The following ITGA3 variants were observed in gnomAD, a reference collection of about 807,000 sequenced individuals.
ITGA3 encodes integrin subunit alpha 3, also known as integrin alpha-3.
Under a neutral mutation model 131.1 loss-of-function variants are expected in ITGA3, and 70 were observed. That is an observed-to-expected ratio of 0.53 (90% CI 0.44 to 0.65). The LOEUF (loss-of-function observed/expected upper bound fraction) is 0.65. Ranked by LOEUF, ITGA3 falls within the 30% of genes least tolerant of loss-of-function variation. ITGA3 has a pLI of 0.00. For synonymous variants in ITGA3, 537 were observed against 571.6 expected (o/e 0.94, Z 0.86); for missense variants, 1,098 against 1,388.6 (o/e 0.79, Z 3.33).
At position 50,070,849 on chromosome 17, in the gene ITGA3, A is replaced by G; in HGVS notation, c.670A>G (p.Ser224Gly). The change falls in exon 5 of 26, where the codon AGC becomes GGC. Residue 224 changes from serine to glycine, a missense_variant. Physicochemically the swap from Ser to Gly is moderately conservative, Grantham distance 56 (BLOSUM62 0). Transcript: ENST00000320031. ...APGAYNWKGN[S>G]YMIQRKEWDL... is the part of the protein sequence containing the mutation. ...CTCCCTCAATCCCTGTGAAGGAAAC[A>G]GCTACATGATTCAGCGCAAGGAGTG... The G allele has an allele frequency of 1.2e-6, 2 of 1,609,874 alleles. No individual in the cohort carries two copies. The highest frequency in any genetic ancestry group is 1.7e-6 in the Non-Finnish European group (2 of 1,176,346).
In ITGA3 at chr17:50,086,000, TACATATTATA is replaced by T. The variant is rs1357513310; in HGVS notation, c.2920-1743_2920-1734del. On this transcript the variant is annotated intron_variant, in intron 23 of 25. Transcript: ENST00000320031. ...TAGATTTATAATATATATTAGATTA[TACATATTATA>T]GATTTATAATATATATTAGATTATG... Among the ~76,000 whole-genome samples, 626 of 64,408 alleles carry T rather than the reference TACATATTATA, an allele frequency of 9.7e-3. 215 individuals are homozygous for T. Among genetic ancestry groups the T allele is most frequent in the East Asian group, 0.021 (44 of 2,110 alleles). 42.3% of individuals were successfully genotyped at this position (64,408 alleles called of 152,430 possible).
intron 21 of ITGA3, among the ~76,000 whole-genome samples, chr17:50,079,868 T>C (rs141090327): frequency 1.3e-3 from 200 of 152,032 alleles, no homozygotes; most frequent in Non-Finnish European, 2.3e-3. Context: ...GGCAGGGCAA[T>C]GGTGGGTGGT....
At position 50,072,073 on chromosome 17, in the gene ITGA3, G is replaced by A. The variant is rs201297040; in HGVS notation, c.1047G>A (p.Ala349=). 2.6e-4 allele frequency: 427 copies of A among 1,614,030 alleles called. 3 individuals are homozygous for A. The East Asian group carries it at 6.2e-3, about 23-fold the overall frequency. Residue 349 remains alanine (A), a synonymous_variant, in exon 7 of 26, where the codon GCG becomes GCA. Transcript: ENST00000320031. ...CCATCTATGTCTTCATGAACCAGGC[G>A]GGAACCTCCTTCCCTGCTCACCCCT... ...GGAIYVFMNQ[A]GTSFPAHPSL...
rs774000281 is a variant in ITGA3 at position 50,075,666 on chromosome 17, G to C, written c.1605G>C (p.Glu535Asp). ...CCCGGCTCCGCTTTGCCGGCAGTGA[G>C]TCCGCTGTCTTCCACGGCTTCTTCT... ...RPPRLRFAGS[E>D]SAVFHGFFSM... Residue 535 changes from glutamate (E) to aspartate (D), a missense_variant, in exon 12 of 26, where the codon GAG (glutamate) becomes GAC (aspartate). Coordinates refer to ENST00000320031, the MANE Select transcript of ITGA3 (RefSeq NM_002204.4). The C allele has an allele frequency of 5.6e-6, 9 of 1,614,108 alleles. 1 individual carries two copies. Among genetic ancestry groups the C allele is most frequent in the Middle Eastern group, 1.6e-4 (1 of 6,082 alleles).
chr17:50,073,717 T>C (rs1222718905), intron 7 of ITGA3, among the ~76,000 whole-genome samples, 199 bp from the exon 8 acceptor site: 1 of 152,162 alleles, frequency 6.6e-6, no homozygotes, highest in Non-Finnish European at 1.5e-5. Context: ...CCACCCGTGA[T>C]AGGAGGAAGC....
rs372201503 is a variant in ITGA3, at chr17:50,064,582, G to C, written c.389G>C (p.Ser130Thr). The change falls in exon 3 of 26, where the codon AGC becomes ACC. Residue 130 changes from serine (S) to threonine (T), a missense_variant. Around this residue, in one of 3 missense-constraint regions of ITGA3, gnomAD observed 356 missense variants for 529.2 expected, o/e 0.67. Transcript: ENST00000320031. The surrounding 1 kb of genome is among the most constrained non-coding windows in gnomAD (Gnocchi z 4.4). ...EDMWLGVTVASQGPAGRVLVC... is the reference protein window; with the variant it reads ...EDMWLGVTVATQGPAGRVLVC... ...ATGTGGCTTGGAGTGACTGTGGCCAGCCAGGGCCCTGCAGGCAGAGTTCTG... is the reference window on the plus strand; with the variant it reads ...ATGTGGCTTGGAGTGACTGTGGCCACCCAGGGCCCTGCAGGCAGAGTTCTG... The C allele has an allele frequency of 6.2e-7, 1 of 1,612,888 alleles. No homozygotes were observed. The highest frequency in any genetic ancestry group is 8.5e-7 in the Non-Finnish European group (1 of 1,179,782).
intron 18 of ITGA3, 68 bp from the exon 19 acceptor site, chr17:50,078,756 G>A: frequency 1.1e-6 from 1 of 891,076 alleles, no homozygotes; most frequent in Non-Finnish European, 1.8e-6. Context: ...CAGCTTTGGT[G>A]CCCACCCCCC....
At position 50,056,993 on chromosome 17, in the gene ITGA3, T is replaced by G. The variant is rs1907857663; in HGVS notation, c.206+348T>G. Among the ~76,000 whole-genome samples the G allele has an allele frequency of 6.6e-6, 1 of 152,110 alleles. No individual in the cohort carries two copies. Among genetic ancestry groups the G allele is most frequent in the Non-Finnish European group, 1.5e-5 (1 of 67,994 alleles). On this transcript the variant is annotated intron_variant, in intron 1 of 25. Coordinates refer to ENST00000320031, the MANE Select transcript of ITGA3 (RefSeq NM_002204.4). This position sits in a 1 kb window ranked among gnomAD's most constrained non-coding sequence, Gnocchi z 5.6. ...TCCAGGGCTGGGAGCTGGGGTAAAC[T>G]GCAAGATAAACACCCAGCGGACTCC...
intron 4 of ITGA3, among the ~76,000 whole-genome samples, chr17:50,070,011 AAGGCTG>A (rs1427843435): frequency 1.3e-5 from 2 of 152,190 alleles, no homozygotes; most frequent in African/African-American, 4.8e-5. Context: ...GGGCTCACCG[AAGGCTG>A]AGGCCTCTGC....
chr17:50,073,628 A>G (rs951005514), intron 7 of ITGA3, among the ~76,000 whole-genome samples: 7 of 133,968 alleles, frequency 5.2e-5, no homozygotes, highest in Admixed American at 1.6e-4. Context: ...ACACACACAC[A>G]CACACGCACA....
At chr17:50,066,347 G>A (rs767921904) in intron 3 of ITGA3, among the ~76,000 whole-genome samples, 2 of 148,804 alleles carry the variant, frequency 1.3e-5, no homozygotes, top group Non-Finnish European at 3.0e-5. Flanking sequence ...TAGAGATGAG[G>A]TCTGGCTCTG....
At chr17:50,072,215 C>A in intron 7 of ITGA3, 33 bp downstream of exon 7, 1 of 1,567,388 alleles carries the variant, frequency 6.4e-7, no homozygotes, top group Non-Finnish European at 8.7e-7. Context: ...CAGCACCCCT[C>A]CTCCAGCACC....
chr17:50,080,280 G>A lies in ITGA3; in HGVS notation c.2725G>A (p.Ala909Thr), dbSNP rs753367166. Residue 909 changes from alanine to threonine, a missense_variant, in exon 22 of 26, where the codon GCC (alanine) becomes ACC (threonine). Transcript: ENST00000320031. ...GCCTCAGACCTGTGCCACAGGGCGT[G>A]CCCACTGTGTGTGGCTAGAGTGCCC... The part of the protein sequence containing the change: ...ETVLTCATGR[A>T]HCVWLECPIP... 6.2e-7 allele frequency: 1 copy of A among 1,611,746 alleles called. No homozygotes were observed.
At chr17:50,068,009 G>A (rs780116501) in intron 3 of ITGA3, 47 bp from the exon 4 acceptor site, 6 of 1,608,704 alleles carry the variant, frequency 3.7e-6, no homozygotes, top group Admixed American at 3.3e-5. Context: ...CAGCTGACCC[G>A]GGTCCCTGTG....
Position 50,088,320 on chromosome 17 carries a change from G to A in ITGA3, c.3141G>A (p.Leu1047=). 2 of 1,580,010 alleles carry A rather than the reference G, an allele frequency of 1.3e-6. No individual in the cohort carries two copies. The change falls in exon 25 of 26, where the codon CTG becomes CTA. Residue 1047 remains leucine, a synonymous_variant. Transcript: ENST00000320031. Reference sequence around the variant, plus strand: ...GCCAGCCGTCAGAGACAGAGAGGCTGACCGACGACTACTGAGGGGGCAGCC... The same window carrying A: ...GCCAGCCGTCAGAGACAGAGAGGCTAACCGACGACTACTGAGGGGGCAGCC... ...MKSQPSETER[L]TDDY
chr17:50,071,542 G>C lies in ITGA3; in HGVS notation c.959+24G>C, dbSNP rs1213075439. 6 of 1,582,732 alleles carry C rather than the reference G, an allele frequency of 3.8e-6. No homozygotes were observed. The African/African-American group carries it at 6.7e-5, about 18-fold the overall frequency. ...GGGTGAGAATCTAGGGACATCCTCT[G>C]GGGCCAGGGAGAGCGATGGGCGGGG... On this transcript the variant is annotated intron_variant, in intron 6 of 25. Coordinates refer to ENST00000320031, the MANE Select transcript of ITGA3 (RefSeq NM_002204.4).
intron 15 of ITGA3, 67 bp downstream of exon 15, chr17:50,077,188 T>C (rs1480527295): frequency 6.8e-7 from 1 of 1,465,904 alleles, no homozygotes; most frequent in Non-Finnish European, 9.2e-7. Context: ...CCCATATCCA[T>C]GTCCTGTGCA....
At chr17:50,076,775 G>A in intron 14 of ITGA3, 94 bp downstream of exon 14, 1 of 1,289,116 alleles carries the variant, frequency 7.8e-7, no homozygotes, top group Non-Finnish European at 1.1e-6. Flanking sequence ...GGCAAGGCGA[G>A]CCCAGGGACA....
Position 50,071,014 on chromosome 17 carries a change from T to A in ITGA3, c.751+84T>A, listed in dbSNP as rs990317077. 3.4e-6 allele frequency: 3 copies of A among 893,684 alleles called. No individual in the cohort carries two copies. The African/African-American group carries it at 4.9e-5, about 15-fold the overall frequency. The allele number at this position is 893,684 out of a possible 1,614,324, so 55.4% of individuals were successfully genotyped here. The stretch of plus-strand genomic sequence containing the variant: ...TGGAAAGGTGAGGCCAGAGTGCAGT[T>A]GTGACTAATGGCATTTAGTTAAACT... On this transcript the variant is annotated intron_variant, in intron 5 of 25. Transcript: ENST00000320031.
Sources: allele counts gnomAD v4.1 joint callset (sites outside exome capture counted in the v4.1 genomes callset), GRCh38; gene constraint gnomAD v4.1.1; regional missense constraint gnomAD v4.1.1; non-coding constraint Gnocchi (gnomAD v3.1); transcripts MANE v1.5; gene names NCBI Gene and HGNC (gene_info 2026-07-23, HGNC 2026-07-21).